Variants in CFAP299 observed in about 807,000 individuals in gnomAD.
CFAP299 encodes the protein cilia and flagella associated protein 299.
In CFAP299, 21 loss-of-function variants were observed where a neutral mutation model predicts 27.0. The observed-to-expected ratio is 0.78, with a 90% CI of 0.55 to 1.12. The LOEUF is 1.12. Among genes scored for constraint, CFAP299 ranks in the 50% most tolerant of loss-of-function variants. CFAP299 has a pLI of 0.00. For synonymous variants in CFAP299, 104 were observed against 98.1 expected, an observed-to-expected ratio of 1.06 and a Z score of -0.36; for missense variants, 310 against 276.6, an observed-to-expected ratio of 1.12 and a Z score of -0.86.
At chr4:80,526,699 A>G (rs1733196235) in intron 2 of CFAP299, among the ~76,000 whole-genome samples, 1 of 152,124 alleles carries the variant, frequency 6.6e-6, no homozygotes, top group Non-Finnish European at 1.5e-5. Flanking sequence ...TCTAAGGCAT[A>G]TACTTTGATT....
At chr4:80,394,745 A>AT (rs1183801982) in intron 2 of CFAP299, among the ~76,000 whole-genome samples, 1 of 151,662 alleles carries the variant, frequency 6.6e-6, no homozygotes, top group East Asian at 1.9e-4. Context: ...AAATATGTGC[A>AT]TTTTTTTCTG....
intron 2 of CFAP299, among the ~76,000 whole-genome samples, chr4:80,540,323 A>G (rs1733939644): frequency 6.6e-6 from 1 of 152,234 alleles, no homozygotes; most frequent in Non-Finnish European, 1.5e-5. Flanking sequence ...TTCTTTAACC[A>G]TTTTAGGATT....
chr4:80,869,522 T>C (rs1392397288), intron 3 of CFAP299, among the ~76,000 whole-genome samples: 1 of 152,206 alleles, frequency 6.6e-6, no homozygotes, highest in Non-Finnish European at 1.5e-5. Context: ...GTACTTTTCT[T>C]TTTTCTTTGG....
At chr4:80,510,457 C>T (rs1732240819) in intron 2 of CFAP299, among the ~76,000 whole-genome samples, 1 of 152,088 alleles carries the variant, frequency 6.6e-6, no homozygotes, top group South Asian at 2.1e-4. Flanking sequence ...CATATGTGTT[C>T]CAAAACACCT....
At chr4:80,355,426 C>G (rs529564549) in intron 1 of CFAP299, among the ~76,000 whole-genome samples, 1 of 135,476 alleles carries the variant, frequency 7.4e-6, no homozygotes, top group Non-Finnish European at 1.5e-5. Context: ...GGCGCGATCT[C>G]GGCTCACTGC....
chr4:80,548,894 C>T (rs1560618754), intron 2 of CFAP299, among the ~76,000 whole-genome samples: 1 of 151,938 alleles, frequency 6.6e-6, no homozygotes, highest in Non-Finnish European at 1.5e-5. Flanking sequence ...GAGGACATGA[C>T]ATTAAAAGAG....
chr4:80,809,613 G>A (rs1729038975), intron 3 of CFAP299, among the ~76,000 whole-genome samples: 1 of 152,042 alleles, frequency 6.6e-6, no homozygotes, highest in Non-Finnish European at 1.5e-5. Flanking sequence ...TGCTGCAGAA[G>A]CCTCAAATCC....
At chr4:80,643,590 G>A (rs1338732525) in intron 3 of CFAP299, among the ~76,000 whole-genome samples, 3 of 152,142 alleles carry the variant, frequency 2.0e-5, no homozygotes, top group Non-Finnish European at 2.9e-5. Context: ...AGGGGCAATG[G>A]TATCTAGCAC....
chr4:80,471,583 T>A (rs1225115788), intron 2 of CFAP299, among the ~76,000 whole-genome samples: 3 of 21,720 alleles, frequency 1.4e-4, no homozygotes, highest in Admixed American at 1.2e-3. Context: ...GGGGTGGGGG[T>A]GGGGGGGAGC....
In CFAP299 at chr4:80,589,113, A is replaced by G. The variant is rs1025290731; in HGVS notation, c.333+5930A>G. ...AGATAAAACTGATGTTAATAACAAC[A>G]GTAGATACATTAGTAGCTTGTATTG... On this transcript the variant is annotated intron_variant, in intron 3 of 5. Transcript: ENST00000358105. 2.0e-5 allele frequency among the ~76,000 whole-genome samples: 3 copies of G among 152,252 alleles called. No homozygotes were observed. The East Asian group carries it at 5.8e-4, about 29-fold the overall frequency.
chr4:80,570,141 T>G (rs1273358793), intron 2 of CFAP299, among the ~76,000 whole-genome samples: 1 of 152,030 alleles, frequency 6.6e-6, no homozygotes, highest in Non-Finnish European at 1.5e-5. Context: ...ATATAAATAT[T>G]TGATACATGA....
At chr4:80,908,216 T>C (rs534923334) in intron 4 of CFAP299, among the ~76,000 whole-genome samples, 1 of 152,296 alleles carries the variant, frequency 6.6e-6, no homozygotes, top group Admixed American at 6.5e-5. Flanking sequence ...CACTGTGGTG[T>C]TGGAGTTGAC....
chr4:80,894,698 TA>T (rs34997397), intron 4 of CFAP299, among the ~76,000 whole-genome samples: 4 of 152,050 alleles, frequency 2.6e-5, no homozygotes, highest in Admixed American at 6.6e-5. Context: ...CATATATATT[TA>T]AAAAAATGTA....
At chr4:80,635,482 A>G (rs1273704714) in intron 3 of CFAP299, among the ~76,000 whole-genome samples, 1 of 152,172 alleles carries the variant, frequency 6.6e-6, no homozygotes, top group Non-Finnish European at 1.5e-5. Flanking sequence ...TAAACAATAA[A>G]GAGAATAGAC....
chr4:80,420,514 C>G (rs1246022311), intron 2 of CFAP299, among the ~76,000 whole-genome samples: 1 of 152,128 alleles, frequency 6.6e-6, no homozygotes, highest in Non-Finnish European at 1.5e-5. Flanking sequence ...TTCCTACATA[C>G]GGATTAGTGA....
intron 4 of CFAP299, among the ~76,000 whole-genome samples, chr4:80,902,516 G>GTATA (rs1560469815): frequency 4.6e-5 from 5 of 107,960 alleles, no homozygotes; most frequent in East Asian, 6.0e-4. Flanking sequence ...ATATCCATAT[G>GTATA]TATGGATACA....
intron 3 of CFAP299, among the ~76,000 whole-genome samples, chr4:80,684,280 G>A (rs1013928338): frequency 7.3e-5 from 11 of 151,408 alleles, no homozygotes; most frequent in South Asian, 4.2e-4. Flanking sequence ...TTTTTGGGGG[G>A]GGGGGACGGA....
intron 2 of CFAP299, among the ~76,000 whole-genome samples, chr4:80,547,419 T>A (rs71596013): frequency 0.17 from 26,504 of 151,936 alleles, 3,292 homozygotes; most frequent in African/African-American, 0.35. Context: ...TAAAAGAATT[T>A]AAAAAATCCC....
chr4:80,398,056 G>C (rs1407049298), intron 2 of CFAP299, among the ~76,000 whole-genome samples: 3 of 152,106 alleles, frequency 2.0e-5, no homozygotes, highest in Non-Finnish European at 4.4e-5. Context: ...GACAAACAGA[G>C]AGCCAAATCA....
Sources: gnomAD v4.1 joint callset for allele counts (sites outside exome capture counted in the v4.1 genomes callset) on GRCh38, gnomAD v4.1.1 for gene constraint, MANE v1.5 for transcripts, NCBI Gene and HGNC (gene_info 2026-07-23, HGNC 2026-07-21) for gene names.